Variants in CDHR2 observed in about 807,000 individuals in gnomAD.
The protein encoded by CDHR2 is cadherin-related family member 2.
A neutral mutation model predicts 138.6 loss-of-function variants in CDHR2; 104 were observed. The observed-to-expected ratio is 0.75, with a 90% confidence interval of 0.64 to 0.88. The LOEUF is 0.88. Ranked by LOEUF, CDHR2 falls within the 40% of genes least tolerant of loss-of-function variation. The pLI, the probability that CDHR2 is intolerant of heterozygous loss-of-function variation, is 0.00. For missense variants in CDHR2, 1,624 were observed against 1,727.6 expected (o/e 0.94, Z 1.06); for synonymous variants, 755 against 742.8 (o/e 1.02, Z -0.27).
chr5:176,581,600 C>T lies in CDHR2; in HGVS notation c.2058+18C>T, dbSNP rs1258922626. ...CTGTGGAGGTAAGGCCTCGCTTAGC[C>T]AGGATGGGCCTGGGGGCCTCCCAAG... On this transcript the variant is annotated intron_variant, in intron 17 of 31. Coordinates refer to ENST00000261944, the MANE Select transcript of CDHR2 (RefSeq NM_017675.6). 6.2e-7 allele frequency: 1 copy of T among 1,608,068 alleles called. No homozygotes were observed. Among genetic ancestry groups the T allele is most frequent in the Non-Finnish European group, 8.5e-7 (1 of 1,177,798 alleles).
chr5:176,586,086 C>A (rs1758657152), intron 20 of CDHR2, 61 bp downstream of exon 20: 1 of 1,338,652 alleles, frequency 7.5e-7, no homozygotes, highest in Non-Finnish European at 1.1e-6. Flanking sequence ...TTTGAGCAAC[C>A]CCGACAGACC....
In CDHR2 at chr5:176,576,132, T is replaced by C. The variant is rs1207089915; in HGVS notation, c.1141T>C (p.Ser381Pro). The C allele has an allele frequency of 1.2e-6, 2 of 1,611,184 alleles. No individual in the cohort carries two copies. Among genetic ancestry groups the C allele is most frequent in the Admixed American group, 1.7e-5 (1 of 59,882 alleles). The change falls in exon 12 of 32, where the codon TCC becomes CCC. Residue 381 changes from serine to proline, a missense_variant. Ser to Pro is a moderately conservative substitution (Grantham distance 74). This residue lies in a region of CDHR2 where 1,061 missense variants were observed against 1,136.6 expected (regional missense o/e 0.93). Coordinates refer to ENST00000261944, the MANE Select transcript of CDHR2 (RefSeq NM_017675.6). The surrounding 1 kb of genome is among the most constrained non-coding windows in gnomAD (Gnocchi z 4.5). ...CACTGGCTACGTGGACGAGCATGCC[T>C]CCCCCCGCATCCCCATCGATGACCT... Reference protein sequence around the residue: ...NFTGYVDEHASPRIPIDDLTM... With the variant: ...NFTGYVDEHAPPRIPIDDLTM...
At chr5:176,574,787 C>A (rs1758324907) in intron 7 of CDHR2, among the ~76,000 whole-genome samples, 1 of 152,196 alleles carries the variant, frequency 6.6e-6, no homozygotes, top group African/African-American at 2.4e-5. Flanking sequence ...ACAGACGCAA[C>A]CATTGTGAGT....
At chr5:176,556,360 C>T (rs1757823922) in intron 1 of CDHR2, among the ~76,000 whole-genome samples, 1 of 152,130 alleles carries the variant, frequency 6.6e-6, no homozygotes, top group South Asian at 2.1e-4. Flanking sequence ...CAGAGCAAGA[C>T]CTTGTCTCAA....
chr5:176,574,203 GT>G (rs1238408798), intron 7 of CDHR2, 31 bp downstream of exon 7: 1 of 1,507,202 alleles, frequency 6.6e-7, no homozygotes, highest in Non-Finnish European at 9.2e-7. Context: ...GACCGCCTTT[GT>G]GACCGCCAGG....
chr5:176,575,521 A>T lies in CDHR2; in HGVS notation c.784A>T (p.Thr262Ser), dbSNP rs755850705. ...CCCATTCCAGGGAACCTCGGTGCTG[A>T]CGGTGGAGGCTGTGGATGGCGACAA... The part of the protein sequence containing the change: ...EDAAKGTSVL[T>S]VEAVDGDKGI... The change falls in exon 10 of 32, where the codon ACG (threonine) becomes TCG (serine). Residue 262 changes from threonine to serine, a missense_variant. Physicochemically the swap from Thr to Ser is moderately conservative, Grantham distance 58 (BLOSUM62 1). Coordinates refer to ENST00000261944, the MANE Select transcript of CDHR2 (RefSeq NM_017675.6). 7 of 1,614,138 alleles carry T rather than the reference A, an allele frequency of 4.3e-6. No individual in the cohort carries two copies. The highest frequency in any genetic ancestry group is 1.7e-4 in the Middle Eastern group (1 of 6,060).
At chr5:176,545,341 A>G (rs1307406887), upstream of CDHR2, among the ~76,000 whole-genome samples, 1 of 152,054 alleles carries the variant, frequency 6.6e-6, no homozygotes, top group Admixed American at 6.6e-5. Flanking sequence ...ACGTTTCACC[A>G]TGTTGGCCAG....
chr5:176,551,956 G>A (rs1411669157), intron 1 of CDHR2, among the ~76,000 whole-genome samples: 1 of 151,756 alleles, frequency 6.6e-6, no homozygotes, highest in Non-Finnish European at 1.5e-5. Flanking sequence ...CCCCGACCCC[G>A]TAATCGGCCC....
intron 3 of CDHR2, among the ~76,000 whole-genome samples, chr5:176,566,351 C>T (rs368250579): frequency 3.7e-4 from 57 of 152,254 alleles, no homozygotes; most frequent in Middle Eastern, 3.4e-3. Flanking sequence ...GTCATGGCAG[C>T]GGTGCAGGAA....
chr5:176,576,020 G>C lies in CDHR2; in HGVS notation c.1029G>C (p.Val343=). The C allele has an allele frequency of 6.2e-7, 1 of 1,613,902 alleles. No individual in the cohort carries two copies. Among genetic ancestry groups the C allele is most frequent in the Non-Finnish European group, 8.5e-7 (1 of 1,180,006 alleles). Residue 343 remains valine (V), a synonymous_variant, in exon 12 of 32, where the codon GTG becomes GTC. Coordinates refer to ENST00000261944, the MANE Select transcript of CDHR2 (RefSeq NM_017675.6). The surrounding 1 kb of genome is among the most constrained non-coding windows in gnomAD (Gnocchi z 4.5). ...AKVSIWVTVR[V]MDVNDHKPEF... ...TGAGCATCTGGGTGACAGTGAGAGT[G>C]ATGGACGTCAATGACCACAAACCTG...
intron 16 of CDHR2, 73 bp downstream of exon 16, chr5:176,578,681 C>G (rs1758462789): frequency 2.5e-6 from 4 of 1,584,252 alleles, no homozygotes; most frequent in Non-Finnish European, 1.7e-6. Flanking sequence ...CATGCTGGCC[C>G]TGGGTAAAGT....
Position 176,577,389 on chromosome 5 carries a change from A to G in CDHR2, c.1195-10A>G. On this transcript the variant is annotated splice_polypyrimidine_tract_variant and intron_variant, in intron 12 of 31. Coordinates refer to ENST00000261944, the MANE Select transcript of CDHR2 (RefSeq NM_017675.6). ...GGGACAGGTCCCTGCTAGACAGCCC[A>G]CCTTTACAGGGCAGCAATGGCACCT... 6.2e-7 allele frequency: 1 copy of G among 1,603,392 alleles called. No individual in the cohort carries two copies. The highest frequency in any genetic ancestry group is 1.3e-5 in the African/African-American group (1 of 74,994).
At chr5:176,573,490 A>AT (rs1238856255) in intron 6 of CDHR2, among the ~76,000 whole-genome samples, 1 of 149,120 alleles carries the variant, frequency 6.7e-6, no homozygotes, top group Non-Finnish European at 1.5e-5. Flanking sequence ...AAATATATAT[A>AT]AAAAAAATTA....
rs751180171 is a variant in CDHR2, at chr5:176,591,218, G to T, written c.3548G>T (p.Arg1183Leu). 1.1e-5 allele frequency: 17 copies of T among 1,612,278 alleles called. No homozygotes were observed. The highest frequency in any genetic ancestry group is 1.7e-6 in the Non-Finnish European group (2 of 1,178,718). Reference protein sequence around the residue: ...AFVCVRKSYNRKLQAMKAAKE... With the variant: ...AFVCVRKSYNLKLQAMKAAKE... ...CTTCCGGTTCCCCACAGCTACAACCGGAAGCTTCAAGCTATGAAGGCTGCC... is the reference window on the plus strand; with the variant it reads ...CTTCCGGTTCCCCACAGCTACAACCTGAAGCTTCAAGCTATGAAGGCTGCC... Residue 1183 changes from arginine to leucine, a missense_variant, in exon 29 of 32, where the codon CGG becomes CTG. By Grantham distance (102) the Arg-to-Leu change is moderately radical. Transcript: ENST00000261944.
At position 176,576,081 on chromosome 5, in the gene CDHR2, A is replaced by C. The variant is rs1490841807; in HGVS notation, c.1090A>C (p.Thr364Pro). The part of the protein sequence containing the change: ...YNCSLPACTF[T>P]PEEAQVNFTG... ...CTGCAGCCTCCCAGCCTGCACCTTC[A>C]CCCCCGAAGAGGCCCAAGTGAACTT... The change falls in exon 12 of 32, where the codon ACC becomes CCC. Residue 364 changes from threonine (T) to proline (P), a missense_variant. Thr to Pro is a conservative substitution (Grantham distance 38). Around this residue, in one of 3 missense-constraint regions of CDHR2, gnomAD observed 1,061 missense variants for 1,136.6 expected, o/e 0.93. Transcript: ENST00000261944. The surrounding 1 kb of genome is among the most constrained non-coding windows in gnomAD (Gnocchi z 4.5). 1 of 1,613,676 alleles carries C rather than the reference A, an allele frequency of 6.2e-7. No homozygotes were observed. Among genetic ancestry groups the C allele is most frequent in the South Asian group, 1.1e-5 (1 of 91,046 alleles).
upstream of CDHR2, chr5:176,549,291 C>T (rs1186591235): frequency 6.6e-6 from 1 of 152,396 alleles, no homozygotes; most frequent in African/African-American, 2.4e-5. Context: ...AATGATTGCT[C>T]AGTGGAGGTG....
chr5:176,551,214 C>G (rs544689346), intron 1 of CDHR2, among the ~76,000 whole-genome samples: 1 of 152,216 alleles, frequency 6.6e-6, no homozygotes, highest in African/African-American at 2.4e-5. Flanking sequence ...GTCGCCCAGG[C>G]TCCAGTGCAG....
intron 1 of CDHR2, among the ~76,000 whole-genome samples, chr5:176,555,436 G>A (rs1294975533): frequency 6.6e-6 from 1 of 152,210 alleles, no homozygotes; most frequent in Non-Finnish European, 1.5e-5. Flanking sequence ...TTGCTCATCT[G>A]CAAAATGAGT....
At chr5:176,586,908 A>G in intron 21 of CDHR2, 66 bp downstream of exon 21, 1 of 1,390,054 alleles carries the variant, frequency 7.2e-7, no homozygotes, top group Non-Finnish European at 1.0e-6. Flanking sequence ...TGAGGCCTTC[A>G]GGCCTTCCAT....
Sources: allele counts gnomAD v4.1 joint callset (sites outside exome capture counted in the v4.1 genomes callset), GRCh38; gene constraint gnomAD v4.1.1; regional missense constraint gnomAD v4.1.1; non-coding constraint Gnocchi (gnomAD v3.1); transcripts MANE v1.5; gene names NCBI Gene and HGNC (gene_info 2026-07-23, HGNC 2026-07-21).